ARID4B: variants seen among roughly 807,000 people sequenced by gnomAD.
ARID4B encodes the protein AT-rich interaction domain 4B.
ARID4B carries 26 observed loss-of-function variants against 147.5 expected under a neutral mutation model. The ratio of observed to expected loss-of-function variants is 0.18; its 90% CI spans 0.13 to 0.24. The LOEUF is 0.24. ARID4B is among the 10% of genes least tolerant of loss of function. The pLI is 1.00. For missense variants in ARID4B, 1,179 were observed against 1,511.5 expected (o/e 0.78, Z 3.65); for synonymous variants, 512 against 507.9 (o/e 1.01, Z -0.11).
chr1:235,323,613 T>C (rs751296101), intron 2 of ARID4B, among the ~76,000 whole-genome samples: 4 of 151,828 alleles, frequency 2.6e-5, no homozygotes, highest in Admixed American at 6.6e-5. Context: ...GGAGAAACCT[T>C]GTCTCTACTA....
At chr1:235,225,986 C>T (rs1667803605) in intron 11 of ARID4B, among the ~76,000 whole-genome samples, 1 of 152,136 alleles carries the variant, frequency 6.6e-6, no homozygotes, top group East Asian at 1.9e-4. Flanking sequence ...GTAAGGTGAT[C>T]AAATACAAAT....
At chr1:235,269,583 C>T (rs894701934) in intron 2 of ARID4B, among the ~76,000 whole-genome samples, 1 of 151,826 alleles carries the variant, frequency 6.6e-6, no homozygotes, top group Admixed American at 6.6e-5. Context: ...AAAGTTTGAA[C>T]GTAATGATAA....
intron 8 of ARID4B, among the ~76,000 whole-genome samples, chr1:235,238,379 T>C (rs1259018133): frequency 6.6e-6 from 1 of 152,176 alleles, no homozygotes; most frequent in Non-Finnish European, 1.5e-5. Flanking sequence ...CTAATTATTT[T>C]TAGTAAGGGA....
intron 2 of ARID4B, among the ~76,000 whole-genome samples, chr1:235,277,646 T>C (rs1162048215): frequency 9.1e-6 from 1 of 109,740 alleles, no homozygotes; most frequent in African/African-American, 3.4e-5. Context: ...GTGTGTTTCA[T>C]TGGTTTTGTT....
chr1:235,215,540 CAT>C (rs1344362190), intron 16 of ARID4B, among the ~76,000 whole-genome samples: 23 of 118,632 alleles, frequency 1.9e-4, no homozygotes, highest in East Asian at 4.5e-4. Context: ...ACCATGCACA[CAT>C]ATATATGTGT....
chr1:235,323,907 G>GTT (rs1054376468), intron 2 of ARID4B, among the ~76,000 whole-genome samples: 5 of 143,200 alleles, frequency 3.5e-5, no homozygotes, highest in Non-Finnish European at 6.1e-5. Context: ...ATTTTATTTA[G>GTT]TTTTTTTTTT....
At chr1:235,217,313 G>A (rs1667156533) in intron 16 of ARID4B, among the ~76,000 whole-genome samples, 1 of 151,954 alleles carries the variant, frequency 6.6e-6, no homozygotes. Flanking sequence ...TAAACCAGAT[G>A]GAACACAGAA....
At chr1:235,248,978 T>C (rs1050228687) in intron 6 of ARID4B, among the ~76,000 whole-genome samples, 6 of 152,196 alleles carry the variant, frequency 3.9e-5, no homozygotes, top group Non-Finnish European at 5.9e-5. Context: ...AATATGGAAC[T>C]GGGATTTTAC....
intron 2 of ARID4B, among the ~76,000 whole-genome samples, chr1:235,301,866 TA>T (rs1169595891): frequency 6.6e-6 from 1 of 151,730 alleles, no homozygotes; most frequent in African/African-American, 2.4e-5. Context: ...AGGTGCCTGC[TA>T]CCACACCCAG....
intron 5 of ARID4B, among the ~76,000 whole-genome samples, chr1:235,253,298 C>A (rs995656235): frequency 3.3e-5 from 5 of 152,200 alleles, no homozygotes; most frequent in Admixed American, 2.0e-4. Context: ...CCAGAAAATT[C>A]TCTGTTGTGG....
At chr1:235,271,832 G>A (rs953483186) in intron 2 of ARID4B, among the ~76,000 whole-genome samples, 5 of 151,154 alleles carry the variant, frequency 3.3e-5, no homozygotes, top group African/African-American at 1.2e-4. Flanking sequence ...CACCTGTAAT[G>A]CCAGCTACTC....
intron 19 of ARID4B, among the ~76,000 whole-genome samples, chr1:235,185,436 C>G (rs1435752018): frequency 6.6e-6 from 1 of 152,168 alleles, no homozygotes; most frequent in Admixed American, 6.5e-5. Flanking sequence ...CATCCTATCT[C>G]TGCACCCTAG....
intron 12 of ARID4B, 128 bp downstream of exon 12, chr1:235,224,575 C>A: frequency 1.5e-6 from 1 of 678,008 alleles, no homozygotes; most frequent in Admixed American, 2.8e-5. Flanking sequence ...CTGGTGATAT[C>A]AGAGTCAAAA....
intron 21 of ARID4B, among the ~76,000 whole-genome samples, chr1:235,175,806 A>G (rs1663828358): frequency 6.6e-6 from 1 of 152,212 alleles, no homozygotes; most frequent in Non-Finnish European, 1.5e-5. Context: ...TTTGGCCACA[A>G]ACAAATAATG....
intron 17 of ARID4B, among the ~76,000 whole-genome samples, chr1:235,200,664 A>G (rs941469728): frequency 1.3e-5 from 2 of 152,220 alleles, no homozygotes; most frequent in African/African-American, 4.8e-5. Context: ...TCAGAACTAC[A>G]ACAAAAAGCT....
At chr1:235,239,669 A>G (rs1005652578) in intron 8 of ARID4B, among the ~76,000 whole-genome samples, 2 of 152,226 alleles carry the variant, frequency 1.3e-5, no homozygotes, top group African/African-American at 4.8e-5. Flanking sequence ...AAATACAAGA[A>G]CTTGGGACAA....
intron 17 of ARID4B, among the ~76,000 whole-genome samples, chr1:235,203,326 C>T (rs1666079362): frequency 6.6e-6 from 1 of 151,896 alleles, no homozygotes; most frequent in Non-Finnish European, 1.5e-5. Flanking sequence ...GTTAATATGC[C>T]CACATCAATT....
intron 18 of ARID4B, among the ~76,000 whole-genome samples, chr1:235,195,529 T>A (rs1665432595): frequency 6.6e-6 from 1 of 151,584 alleles, no homozygotes; most frequent in Admixed American, 6.6e-5. Flanking sequence ...GAGGTGGAGG[T>A]TGCAGTGAGC....
At chr1:235,194,884 T>C (rs1665389744) in intron 18 of ARID4B, among the ~76,000 whole-genome samples, 1 of 151,992 alleles carries the variant, frequency 6.6e-6, no homozygotes, top group African/African-American at 2.4e-5. Context: ...TATATGTGGG[T>C]TGGGAATGAC....
Sources: gnomAD v4.1 joint callset for allele counts (sites outside exome capture counted in the v4.1 genomes callset) on GRCh38, gnomAD v4.1.1 for gene constraint, MANE v1.5 for transcripts, NCBI Gene and HGNC (gene_info 2026-07-23, HGNC 2026-07-21) for gene names.